Variants in ADCK1 observed in about 807,000 individuals in gnomAD.
ADCK1 encodes aarF domain-containing protein kinase 1.
Under a neutral mutation model 52.3 loss-of-function variants are expected in ADCK1, and 41 were observed. The observed-to-expected ratio is 0.78, with a 90% confidence interval of 0.61 to 1.02. ADCK1 has a LOEUF of 1.02. Among genes scored for constraint, ADCK1 ranks in the 50% least tolerant of loss-of-function variants. The pLI is 0.00. For missense variants in ADCK1, 658 were observed against 679.5 expected (o/e 0.97, Z 0.35); for synonymous variants, 250 against 274.6 (o/e 0.91, Z 0.89).
intron 1 of ADCK1, among the ~76,000 whole-genome samples, chr14:77,808,852 A>AG (rs2081281565): frequency 6.6e-6 from 1 of 152,228 alleles, no homozygotes; most frequent in South Asian, 2.1e-4. Flanking sequence ...TTGGGATTAC[A>AG]GGCGTGAGCC....
intron 7 of ADCK1, among the ~76,000 whole-genome samples, chr14:77,914,932 AC>A (rs71131604): frequency 1.3e-5 from 2 of 151,810 alleles, no homozygotes; most frequent in Non-Finnish European, 2.9e-5. Context: ...AGCATATGGT[AC>A]CCCCTTACCC....
chr14:77,886,830 C>A lies in ADCK1; in HGVS notation c.424-261C>A, dbSNP rs137946684. On this transcript the variant is annotated intron_variant, in intron 4 of 10. Coordinates refer to ENST00000238561, the MANE Select transcript of ADCK1 (RefSeq NM_020421.4). ...ACTGAGGCAGGAGAATTGCTTGAAC[C>A]TGGGGGGCGGAGGCTGCAGTGAGCC... Among the ~76,000 whole-genome samples, 688 of 152,110 alleles carry A rather than the reference C, an allele frequency of 4.5e-3. 7 individuals carry two copies. The highest frequency in any genetic ancestry group is 0.016 in the African/African-American group (645 of 41,478).
intron 3 of ADCK1, among the ~76,000 whole-genome samples, chr14:77,838,305 T>C (rs909750053): frequency 6.6e-6 from 1 of 152,228 alleles, no homozygotes; most frequent in African/African-American, 2.4e-5. Context: ...GCAAGACATA[T>C]GTGAAGCTAA....
chr14:77,831,328 T>C (rs1433254443), intron 3 of ADCK1, among the ~76,000 whole-genome samples: 1 of 151,890 alleles, frequency 6.6e-6, no homozygotes, highest in Non-Finnish European at 1.5e-5. Flanking sequence ...AGGTCAGGAG[T>C]GTTATGCATA....
At chr14:77,913,192 G>A (rs1566730073) in intron 7 of ADCK1, among the ~76,000 whole-genome samples, 1 of 152,220 alleles carries the variant, frequency 6.6e-6, no homozygotes, top group Admixed American at 6.5e-5. Context: ...GATTGTAGAA[G>A]TTTGCAAGAA....
intron 1 of ADCK1, among the ~76,000 whole-genome samples, chr14:77,803,158 C>G (rs948116393): frequency 2.0e-5 from 3 of 152,096 alleles, no homozygotes; most frequent in East Asian, 1.9e-4. Flanking sequence ...TCTGAAGACC[C>G]TATCACTCTC....
intron 7 of ADCK1, among the ~76,000 whole-genome samples, chr14:77,915,692 G>A (rs1251079091): frequency 1.3e-5 from 2 of 152,216 alleles, no homozygotes; most frequent in Admixed American, 1.3e-4. Flanking sequence ...AGAGCTCAGG[G>A]ATGTTAGAGG....
Position 77,859,164 on chromosome 14 carries a change from T to A in ADCK1, c.308T>A (p.Leu103Gln). Residue 103 changes from leucine (L) to glutamine (Q), a missense_variant, in exon 4 of 11, where the codon CTG becomes CAG. Physicochemically the swap from Leu to Gln is moderately radical, Grantham distance 113 (BLOSUM62 -2). Coordinates refer to ENST00000238561, the MANE Select transcript of ADCK1 (RefSeq NM_020421.4). ...FIKVGQHLGALDYLLPEEYTS... is the reference protein window; with the variant it reads ...FIKVGQHLGAQDYLLPEEYTS... Reference sequence around the variant, plus strand: ...AAGGTGGGCCAGCACCTGGGGGCTCTGGACTACCTGTTGCCAGAGGAGTAC... The same window carrying A: ...AAGGTGGGCCAGCACCTGGGGGCTCAGGACTACCTGTTGCCAGAGGAGTAC... The A allele has an allele frequency of 6.2e-7, 1 of 1,613,996 alleles. No homozygotes were observed. Among genetic ancestry groups the A allele is most frequent in the Non-Finnish European group, 8.5e-7 (1 of 1,180,008 alleles).
chr14:77,912,476 G>A (rs865930979), intron 7 of ADCK1, among the ~76,000 whole-genome samples: 1 of 134,700 alleles, frequency 7.4e-6, no homozygotes, highest in African/African-American at 2.9e-5. Flanking sequence ...GTGTGTGTGT[G>A]TAATGAAAGA....
Position 77,933,403 on chromosome 14 carries a change from C to T in ADCK1, c.*12C>T, listed in dbSNP as rs1595115326. ...CTGCTCCACTCTGAGTGGAATTGCT[C>T]TCCCTGCCCCATTCTGGTGTCTTTC... On this transcript the variant is annotated 3_prime_UTR_variant, in exon 11 of 11. Coordinates refer to ENST00000238561, the MANE Select transcript of ADCK1 (RefSeq NM_020421.4). 19 of 1,612,098 alleles carry T rather than the reference C, an allele frequency of 1.2e-5. No individual in the cohort carries two copies. In the East Asian group the frequency reaches 4.2e-4, roughly 36 times the overall value.
intron 5 of ADCK1, among the ~76,000 whole-genome samples, chr14:77,889,470 G>T (rs1240841963): frequency 2.0e-5 from 3 of 152,160 alleles, no homozygotes; most frequent in African/African-American, 7.2e-5. Context: ...ATCAGTCAGG[G>T]TACAGCTGGG....
At chr14:77,900,231 G>A (rs950297920) in intron 6 of ADCK1, among the ~76,000 whole-genome samples, 1 of 152,194 alleles carries the variant, frequency 6.6e-6, no homozygotes, top group Non-Finnish European at 1.5e-5. Flanking sequence ...GCCTGCTGTG[G>A]AAGTGGGCAT....
rs10438173 is a variant in ADCK1 at position 77,930,760 on chromosome 14, A to G, written c.1207-758A>G. ...GTCAAAGTGCCTGGCTTCTTTAGTA[A>G]ATGCTCAATATATGGTGCTTATCGT... On this transcript the variant is annotated intron_variant, in intron 9 of 10. Transcript: ENST00000238561. Among the ~76,000 whole-genome samples the G allele has an allele frequency of 3.9e-3, 595 of 152,290 alleles. 3 individuals are homozygous for G. The highest frequency in any genetic ancestry group is 0.013 in the African/African-American group (561 of 41,556).
intron 7 of ADCK1, among the ~76,000 whole-genome samples, chr14:77,909,281 A>G (rs935987191): frequency 4.9e-4 from 75 of 151,982 alleles, no homozygotes; most frequent in African/African-American, 1.8e-3. Context: ...GATTACAGGC[A>G]TGCGCTACCA....
chr14:77,907,300 A>G (rs1160596682), intron 6 of ADCK1, among the ~76,000 whole-genome samples: 1 of 152,154 alleles, frequency 6.6e-6, no homozygotes, highest in Non-Finnish European at 1.5e-5. Flanking sequence ...GCCCCAGGAA[A>G]CGTGTTTTCC....
chr14:77,894,095 G>A (rs1212699094), intron 5 of ADCK1, among the ~76,000 whole-genome samples: 2 of 152,170 alleles, frequency 1.3e-5, no homozygotes, highest in East Asian at 1.9e-4. Flanking sequence ...TGTTTATGTC[G>A]GCACAGAATC....
intron 5 of ADCK1, among the ~76,000 whole-genome samples, chr14:77,894,094 C>T (rs920169566): frequency 2.6e-5 from 4 of 152,224 alleles, no homozygotes; most frequent in South Asian, 4.1e-4. Context: ...ATGTTTATGT[C>T]GGCACAGAAT....
At chr14:77,875,676 T>C (rs928174564) in intron 4 of ADCK1, among the ~76,000 whole-genome samples, 1 of 152,098 alleles carries the variant, frequency 6.6e-6, no homozygotes, top group Non-Finnish European at 1.5e-5. Flanking sequence ...GTGTGAACTA[T>C]GGACTGTTGC....
chr14:77,914,613 A>T, intron 7 of ADCK1: 1 of 984,142 alleles, frequency 1.0e-6, no homozygotes, highest in Non-Finnish European at 1.2e-6. Context: ...AGGGTTTCAA[A>T]GTTAGGGCCC....
Sources: gnomAD v4.1 joint callset for allele counts (sites outside exome capture counted in the v4.1 genomes callset) on GRCh38, gnomAD v4.1.1 for gene constraint, MANE v1.5 for transcripts, NCBI Gene and HGNC (gene_info 2026-07-23, HGNC 2026-07-21) for gene names.